The following PAICS variants were observed in gnomAD, a reference collection of about 807,000 sequenced individuals.
PAICS encodes bifunctional phosphoribosylaminoimidazole carboxylase/phosphoribosylaminoimidazole succinocarboxamide synthetase.
Under a neutral mutation model 53.7 loss-of-function variants are expected in PAICS, and 33 were observed. The observed-to-expected ratio is 0.61, with a 90% CI of 0.47 to 0.82. The LOEUF (loss-of-function observed/expected upper bound fraction) is 0.82, where lower values mean the gene tolerates loss of function less well. PAICS is among the 40% of genes least tolerant of loss of function. The probability of loss-of-function intolerance (pLI) is 0.00; values close to 1 mark genes in which losing one functional copy is unlikely to be tolerated. For missense variants in PAICS, 394 were observed against 494.1 expected (o/e 0.80, Z 1.92); for synonymous variants, 141 against 167.2 (o/e 0.84, Z 1.21).
upstream of PAICS, chr4:56,436,160 G>A: frequency 1.3e-6 from 2 of 1,495,582 alleles, no homozygotes; most frequent in Non-Finnish European, 1.8e-6. Context: ...TACCCCTCCG[G>A]GTTAGGCGGC....
chr4:56,437,391 T>C (rs895771595), intron 1 of PAICS, among the ~76,000 whole-genome samples: 1 of 152,084 alleles, frequency 6.6e-6, no homozygotes, highest in African/African-American at 2.4e-5. Flanking sequence ...TTGTTCTTGC[T>C]ATTTATGCTG....
chr4:56,430,197 T>C, the PAICS span, among the ~76,000 whole-genome samples: 5 of 152,162 alleles, frequency 3.3e-5, no homozygotes, highest in African/African-American at 7.2e-5. Flanking sequence ...TTTTGAAAAA[T>C]TGCATGTCTC....
At chr4:56,418,822 G>A in the PAICS span, among the ~76,000 whole-genome samples, 3 of 152,154 alleles carry the variant, frequency 2.0e-5, no homozygotes, top group African/African-American at 7.2e-5. Flanking sequence ...TGTAAATGAA[G>A]TATAAAACTG....
chr4:56,435,410 C>T, upstream of PAICS: 1 of 1,613,938 alleles, frequency 6.2e-7, no homozygotes, highest in Non-Finnish European at 8.5e-7. Context: ...CTGCGTGGGC[C>T]ACTCTCCTGA....
chr4:56,432,548 G>C (rs60691650), upstream of PAICS, among the ~76,000 whole-genome samples: 1,760 of 147,990 alleles, frequency 0.012, 46 homozygotes, highest in African/African-American at 0.041. Flanking sequence ...AAAAAAGGGA[G>C]GCCAAGGCGG....
intron 8 of PAICS, among the ~76,000 whole-genome samples, chr4:56,456,575 ATT>A (rs1197866478): frequency 4.6e-5 from 7 of 151,708 alleles, no homozygotes; most frequent in Non-Finnish European, 7.4e-5. Context: ...CACCTGGTTA[ATT>A]TTTTTACTTT....
intron 1 of PAICS, chr4:56,436,677 G>A (rs749064826): frequency 1.9e-6 from 1 of 532,288 alleles, no homozygotes; most frequent in South Asian, 1.6e-5. Flanking sequence ...TTTCTAAGAA[G>A]GTTAATAATT....
At chr4:56,416,801 A>AGGATAATTTG in the PAICS span, among the ~76,000 whole-genome samples, 1 of 152,214 alleles carries the variant, frequency 6.6e-6, no homozygotes, top group Non-Finnish European at 1.5e-5. Flanking sequence ...AACCAGGTCA[A>AGGATAATTTG]GGATAATTTG....
intron 1 of PAICS, among the ~76,000 whole-genome samples, chr4:56,438,936 C>A (rs1286400362): frequency 1.3e-5 from 2 of 152,158 alleles, no homozygotes; most frequent in Admixed American, 6.5e-5. Flanking sequence ...TGTGTAAATT[C>A]TGTGCTTTCC....
intron 6 of PAICS, chr4:56,450,964 C>T (rs1718880988): frequency 3.6e-6 from 1 of 278,814 alleles, no homozygotes; most frequent in Non-Finnish European, 6.7e-6. Flanking sequence ...ACTACAGGCG[C>T]TGGCCACCAC....
intron 2 of PAICS, chr4:56,446,274 A>G (rs958736614): frequency 2.6e-5 from 18 of 688,930 alleles, no homozygotes; most frequent in Non-Finnish European, 4.3e-5. Flanking sequence ...CAAACTGTGT[A>G]GCATTAAACA....
intron 5 of PAICS, 142 bp downstream of exon 5, chr4:56,448,965 A>G: frequency 3.3e-6 from 2 of 605,906 alleles, no homozygotes; most frequent in South Asian, 4.2e-5. Context: ...TTAAAGATAA[A>G]TGTCTCTGGT....
At chr4:56,435,849 A>G, upstream of PAICS, 1 of 1,491,960 alleles carries the variant, frequency 6.7e-7, no homozygotes, top group Non-Finnish European at 9.0e-7. Flanking sequence ...GGAGTAACGG[A>G]CTTAACCTCA....
At chr4:56,424,625 A>G in the PAICS span, among the ~76,000 whole-genome samples, 1 of 152,244 alleles carries the variant, frequency 6.6e-6, no homozygotes, top group Admixed American at 6.5e-5. Flanking sequence ...TTTGGATCTA[A>G]AACATATTTT....
At chr4:56,410,665 AG>A in the PAICS span, 8 of 986,488 alleles carry the variant, frequency 8.1e-6, no homozygotes, top group Non-Finnish European at 9.6e-6. Context: ...TGCAATCATT[AG>A]GAGTATACAG....
the PAICS span, chr4:56,421,025 G>A: frequency 6.6e-6 from 1 of 152,210 alleles, no homozygotes; most frequent in African/African-American, 2.4e-5. Flanking sequence ...CACAGCAGGA[G>A]GTGAGTGGTG....
chr4:56,460,071 G>C lies in PAICS; in HGVS notation c.*533G>C, dbSNP rs1291482044. The C allele has an allele frequency of 6.5e-6, 1 of 152,700 alleles. No individual in the cohort carries two copies. The highest frequency in any genetic ancestry group is 1.5e-5 in the Non-Finnish European group (1 of 68,648). 9.5% of individuals were successfully genotyped at this position (152,700 alleles called of 1,614,324 possible). The stretch of plus-strand genomic sequence containing the variant: ...TGCCGAGCTAATTTTATTTTTTGTA[G>C]AGATGAGCTCTCACTATGTCACCCA... On this transcript the variant is annotated 3_prime_UTR_variant, in exon 9 of 9. Coordinates refer to ENST00000512576, the MANE Select transcript of PAICS (RefSeq NM_001079524.2).
chr4:56,437,534 G>T (rs73157744), intron 1 of PAICS, among the ~76,000 whole-genome samples: 1 of 151,862 alleles, frequency 6.6e-6, no homozygotes, highest in Non-Finnish European at 1.5e-5. Context: ...AAAAGCTGTA[G>T]ACTCAGGCCG....
the PAICS span, chr4:56,420,917 G>C: frequency 6.6e-6 from 1 of 152,110 alleles, no homozygotes; most frequent in Non-Finnish European, 1.5e-5. Context: ...AAGTTGTAAG[G>C]CTCTGTGGAA....
Sources: gnomAD v4.1 joint callset for allele counts (sites outside exome capture counted in the v4.1 genomes callset) on GRCh38, gnomAD v4.1.1 for gene constraint, MANE v1.5 for transcripts, NCBI Gene and HGNC (gene_info 2026-07-23, HGNC 2026-07-21) for gene names.